CD6: variants seen among roughly 807,000 people sequenced by gnomAD.
The protein encoded by CD6 is CD6 molecule.
In CD6, 53 loss-of-function variants were observed where a neutral mutation model predicts 75.3. The observed-to-expected ratio is 0.70, with a 90% confidence interval of 0.56 to 0.88. The LOEUF is 0.88. Ranked by LOEUF, CD6 falls within the 40% of genes least tolerant of loss-of-function variation. The pLI is 0.00. For synonymous variants in CD6, 359 were observed against 381.5 expected (o/e 0.94, Z 0.69); for missense variants, 770 against 897.1 (o/e 0.86, Z 1.81).
At chr11:61,015,581 G>GA (rs1052564212) in intron 8 of CD6, 132 bp from the exon 9 acceptor site, 3,089 of 1,041,002 alleles carry the variant, frequency 3.0e-3, no homozygotes, top group Non-Finnish European at 3.5e-3. Flanking sequence ...AGAAAAGAAA[G>GA]AAAAAAAAAG....
intron 1 of CD6, among the ~76,000 whole-genome samples, chr11:60,994,818 A>C (rs972496842): frequency 1.3e-5 from 2 of 152,222 alleles, no homozygotes; most frequent in Non-Finnish European, 2.9e-5. Flanking sequence ...ATAAGTGTAC[A>C]TGTAAAATAA....
At chr11:61,018,224 C>A in intron 11 of CD6, 65 bp from the exon 12 acceptor site, 2 of 1,423,652 alleles carry the variant, frequency 1.4e-6, no homozygotes, top group Non-Finnish European at 1.9e-6. Context: ...GTGGGCCCCC[C>A]AGCTCTGGCA....
At chr11:60,992,499 TC>T (rs752489439) in intron 1 of CD6, among the ~76,000 whole-genome samples, 6 of 152,058 alleles carry the variant, frequency 3.9e-5, no homozygotes, top group African/African-American at 7.2e-5. Flanking sequence ...GATGGTTTTT[TC>T]CCAACCAAGA....
At chr11:61,009,961 A>G (rs1859068689) in intron 5 of CD6, 87 bp downstream of exon 5, 7 of 1,340,116 alleles carry the variant, frequency 5.2e-6, no homozygotes, top group African/African-American at 1.5e-5. Context: ...AAGGACCACA[A>G]TAGGCACCAG....
rs1050513185 is a variant in CD6, at chr11:60,973,316, C to A, written c.49+1402C>A. On this transcript the variant is annotated intron_variant, in intron 1 of 12. Coordinates refer to ENST00000313421, the MANE Select transcript of CD6 (RefSeq NM_006725.5). ...AGAGGTGGGAACCCAGAGACCTGGGCAGAGCTCAGGGAGGTCAAACAAAGT... is the reference window on the plus strand; with the variant it reads ...AGAGGTGGGAACCCAGAGACCTGGGAAGAGCTCAGGGAGGTCAAACAAAGT... Among the ~76,000 whole-genome samples, 11 of 152,320 alleles carry A rather than the reference C, an allele frequency of 7.2e-5. No homozygotes were observed. The South Asian group carries it at 1.7e-3, about 23-fold the overall frequency.
At chr11:60,978,995 G>C (rs1177292500) in intron 1 of CD6, among the ~76,000 whole-genome samples, 1 of 152,186 alleles carries the variant, frequency 6.6e-6, no homozygotes, top group African/African-American at 2.4e-5. Context: ...ACATAGTGCT[G>C]TTTGCACAAT....
chr11:60,978,359 G>A (rs993285591), intron 1 of CD6, among the ~76,000 whole-genome samples: 1 of 152,168 alleles, frequency 6.6e-6, no homozygotes, highest in Non-Finnish European at 1.5e-5. Context: ...TTCCCAGTGA[G>A]CCCTGAGGTT....
At chr11:61,015,431 C>T (rs954167179) in intron 8 of CD6, 72 of 316,102 alleles carry the variant, frequency 2.3e-4, no homozygotes, top group Non-Finnish European at 3.5e-4. Flanking sequence ...ATTAGCTGGG[C>T]GTGATGGTGC....
intron 1 of CD6, among the ~76,000 whole-genome samples, chr11:60,990,171 G>A (rs1214101483): frequency 3.3e-5 from 5 of 152,090 alleles, no homozygotes; most frequent in African/African-American, 7.2e-5. Flanking sequence ...CAGACATTTC[G>A]TTAGAGAGGA....
At chr11:60,982,529 A>T in intron 1 of CD6, 1 of 454,154 alleles carries the variant, frequency 2.2e-6, no homozygotes, top group Admixed American at 2.4e-5. Context: ...GGGGAGACAG[A>T]GCTGAGGAAG....
At chr11:60,975,463 CTAT>C (rs1161324005) in intron 1 of CD6, among the ~76,000 whole-genome samples, 2 of 152,138 alleles carry the variant, frequency 1.3e-5, no homozygotes, top group African/African-American at 4.8e-5. Flanking sequence ...TAAATGAATT[CTAT>C]TATCACAATT....
intron 5 of CD6, among the ~76,000 whole-genome samples, 191 bp from the exon 6 acceptor site, chr11:61,010,879 C>G (rs1859106252): frequency 6.6e-6 from 1 of 151,840 alleles, no homozygotes; most frequent in Admixed American, 6.6e-5. Flanking sequence ...GCATTTAATC[C>G]ATGAGTTCCT....
At chr11:61,002,852 A>G (rs1858653662) in intron 1 of CD6, among the ~76,000 whole-genome samples, 1 of 152,132 alleles carries the variant, frequency 6.6e-6, no homozygotes, top group Non-Finnish European at 1.5e-5. Flanking sequence ...GGACGGTGGA[A>G]CTCTCACTTT....
Position 61,007,412 on chromosome 11 carries a change from C to G in CD6, c.119-148C>G, listed in dbSNP as rs1858913430. On this transcript the variant is annotated intron_variant, in intron 2 of 12. Coordinates refer to ENST00000313421, the MANE Select transcript of CD6 (RefSeq NM_006725.5). This position sits in a 1 kb window ranked among gnomAD's most constrained non-coding sequence, Gnocchi z 4.2. The stretch of plus-strand genomic sequence containing the variant: ...CCTCAAGGTGGGCTCAGGGATGAGC[C>G]AGCCCGGCTCCATTTTGCAGACTGG... The G allele has an allele frequency of 1.7e-6, 1 of 578,184 alleles. No homozygotes were observed. The highest frequency in any genetic ancestry group is 2.8e-6 in the Non-Finnish European group (1 of 362,268). The allele number at this position is 578,184 out of a possible 1,614,324, so 35.8% of individuals were successfully genotyped here. A position where few individuals can be genotyped will look rare whatever the true frequency, so the allele number is the denominator to read the frequency against.
intron 1 of CD6, among the ~76,000 whole-genome samples, chr11:61,003,951 C>A (rs114497778): frequency 0.011 from 1,615 of 146,760 alleles, 26 homozygotes; most frequent in African/African-American, 0.039. Flanking sequence ...CCGCTTTCAA[C>A]CAGCTGCCTT....
At chr11:60,991,058 T>C (rs1177911387) in intron 1 of CD6, among the ~76,000 whole-genome samples, 1 of 151,974 alleles carries the variant, frequency 6.6e-6, no homozygotes, top group Non-Finnish European at 1.5e-5. Flanking sequence ...AGGGTATAGC[T>C]TTCAGATCAA....
intron 1 of CD6, among the ~76,000 whole-genome samples, chr11:60,978,094 C>T (rs1857427534): frequency 6.6e-6 from 1 of 152,198 alleles, no homozygotes; most frequent in South Asian, 2.1e-4. Flanking sequence ...AAAGAGTATG[C>T]ATAACTTCCT....
chr11:60,997,271 A>G (rs1302284761), intron 1 of CD6, among the ~76,000 whole-genome samples: 1 of 151,866 alleles, frequency 6.6e-6, no homozygotes, highest in Non-Finnish European at 1.5e-5. Flanking sequence ...CCAGCTACTC[A>G]GGGCGCTGAG....
rs140163830 is a variant in CD6, at chr11:61,016,188, C to T, written c.1510+353C>T. On this transcript the variant is annotated intron_variant, in intron 9 of 12. Coordinates refer to ENST00000313421, the MANE Select transcript of CD6 (RefSeq NM_006725.5). ...GAGAGACACAGTTGGCAGGGGTTCT[C>T]GCATGCCATATCCCTCCGTGTCCCA... Among the ~76,000 whole-genome samples the T allele has an allele frequency of 4.0e-3, 616 of 152,236 alleles. 6 individuals carry two copies. The highest frequency in any genetic ancestry group is 0.014 in the African/African-American group (587 of 41,522).
Sources: allele counts gnomAD v4.1 joint callset (sites outside exome capture counted in the v4.1 genomes callset), GRCh38; gene constraint gnomAD v4.1.1; non-coding constraint Gnocchi (gnomAD v3.1); transcripts MANE v1.5; gene names NCBI Gene and HGNC (gene_info 2026-07-23, HGNC 2026-07-21).